GXYLT2: variants seen among roughly 807,000 people sequenced by gnomAD.
The protein encoded by GXYLT2 is glycosyltransferase 8 domain containing 4.
In GXYLT2, 53 loss-of-function variants were observed where a neutral mutation model predicts 45.8. The observed-to-expected ratio is 1.16, with a 90% CI of 0.93 to 1.46. GXYLT2 has a LOEUF of 1.46. Ranked by LOEUF, GXYLT2 falls within the 40% of genes most tolerant of loss-of-function variation. The pLI, the probability that GXYLT2 is intolerant of heterozygous loss-of-function variation, is 0.00. For synonymous variants in GXYLT2, 219 were observed against 214.2 expected, an observed-to-expected ratio of 1.02 and a Z score of -0.19; for missense variants, 551 against 544.4, an observed-to-expected ratio of 1.01 and a Z score of -0.12.
chr3:72,930,502 CA>C (rs147116148), intron 3 of GXYLT2, among the ~76,000 whole-genome samples: 78,242 of 130,440 alleles, frequency 0.6, 22,169 homozygotes, highest in Admixed American at 0.65. Context: ...AACCCTGTCT[CA>C]AAAAAAAAAA....
intron 3 of GXYLT2, among the ~76,000 whole-genome samples, chr3:72,946,156 G>T (rs1334031817): frequency 6.6e-6 from 1 of 151,466 alleles, no homozygotes; most frequent in African/African-American, 2.4e-5. Flanking sequence ...ATATGCCTGC[G>T]GTCCCAGCTA....
intron 3 of GXYLT2, among the ~76,000 whole-genome samples, chr3:72,944,050 T>C (rs1710352955): frequency 6.6e-6 from 1 of 152,050 alleles, no homozygotes; most frequent in African/African-American, 2.4e-5. Flanking sequence ...TCTGATTCTG[T>C]ATAGATTAAT....
At chr3:72,968,336 G>T (rs1182535838) in intron 6 of GXYLT2, among the ~76,000 whole-genome samples, 3 of 152,104 alleles carry the variant, frequency 2.0e-5, no homozygotes, top group Admixed American at 2.0e-4. Context: ...TAACACATAG[G>T]ATCAAGATTA....
chr3:72,971,628 G>C (rs1710986333), intron 6 of GXYLT2, among the ~76,000 whole-genome samples: 1 of 152,146 alleles, frequency 6.6e-6, no homozygotes, highest in African/African-American at 2.4e-5. Flanking sequence ...TTAGTACAGA[G>C]CCTGACATAC....
chr3:72,915,852 T>C (rs1216906594), intron 2 of GXYLT2, among the ~76,000 whole-genome samples: 1 of 148,856 alleles, frequency 6.7e-6, no homozygotes, highest in African/African-American at 2.5e-5. Flanking sequence ...AAAAGAGAGA[T>C]TGGGTTTCTC....
Position 72,967,718 on chromosome 3 carries a change from A to T in GXYLT2, c.1148A>T (p.Asp383Val). ...AGAGCACTCTATGAAGCAATACGGG[A>T]TGTAAGTGTGCCCTTGCTGCTGTTA... ...TFRALYEAIR[D>V]FPFQDNLFQS... The change falls in exon 6 of 7, where the codon GAT becomes GTT. Residue 383 changes from aspartate to valine, a missense_variant and splice_region_variant. Coordinates refer to ENST00000389617, the MANE Select transcript of GXYLT2 (RefSeq NM_001080393.2). The T allele has an allele frequency of 6.2e-7, 1 of 1,613,356 alleles. No homozygotes were observed. The highest frequency in any genetic ancestry group is 8.5e-7 in the Non-Finnish European group (1 of 1,179,508).
At chr3:72,909,718 C>T (rs758157619) in intron 2 of GXYLT2, among the ~76,000 whole-genome samples, 11 of 152,138 alleles carry the variant, frequency 7.2e-5, no homozygotes, top group African/African-American at 2.4e-4. Context: ...CTTCCCCCAG[C>T]GTAGGTACAC....
intron 3 of GXYLT2, among the ~76,000 whole-genome samples, chr3:72,948,236 C>A (rs1710448906): frequency 6.6e-6 from 1 of 152,186 alleles, no homozygotes; most frequent in African/African-American, 2.4e-5. Flanking sequence ...AAGACCTTGA[C>A]AACACTATCA....
intron 6 of GXYLT2, 69 bp downstream of exon 6, chr3:72,967,788 C>T: frequency 7.1e-7 from 1 of 1,399,356 alleles, no homozygotes; most frequent in Non-Finnish European, 1.0e-6. Flanking sequence ...GCTTTAGTCA[C>T]CTGTCCCTTT....
intron 3 of GXYLT2, among the ~76,000 whole-genome samples, chr3:72,938,526 A>ACC (rs987459445): frequency 1.3e-4 from 20 of 152,338 alleles, no homozygotes; most frequent in African/African-American, 4.8e-4. Flanking sequence ...CTGGGGAGGC[A>ACC]CCATCTGACT....
intron 1 of GXYLT2, among the ~76,000 whole-genome samples, chr3:72,899,983 T>C (rs1226225250): frequency 6.6e-6 from 1 of 152,212 alleles, no homozygotes; most frequent in Non-Finnish European, 1.5e-5. Context: ...CAACTTACCC[T>C]GCTAGTCTGT....
intron 3 of GXYLT2, chr3:72,929,041 C>T (rs1447281351): frequency 1.9e-6 from 3 of 1,551,428 alleles, no homozygotes; most frequent in Non-Finnish European, 2.6e-6. Flanking sequence ...TAGCCGCCGC[C>T]GTGACGACCG....
At chr3:72,920,797 T>C (rs1184216046) in intron 2 of GXYLT2, among the ~76,000 whole-genome samples, 1 of 144,650 alleles carries the variant, frequency 6.9e-6, no homozygotes. Context: ...AAAATGTACA[T>C]GCATATATAT....
intron 5 of GXYLT2, among the ~76,000 whole-genome samples, chr3:72,962,890 C>A (rs1033046354): frequency 2.7e-5 from 4 of 150,544 alleles, no homozygotes; most frequent in South Asian, 2.1e-4. Flanking sequence ...TTTTTTGGAA[C>A]AAGGAGCATT....
In GXYLT2 at chr3:72,955,741, G is replaced by C. The variant is rs75874957; in HGVS notation, c.852+392G>C. Among the ~76,000 whole-genome samples the C allele has an allele frequency of 1.5e-3, 225 of 152,186 alleles. 6 individuals carry two copies. In the East Asian group the frequency reaches 0.037, roughly 25 times the overall value. ...TCATCTTTTATCCTAGCAAAGAAGT[G>C]GAAAGAAGCTAAAAGAACATCAGTA... On this transcript the variant is annotated intron_variant, in intron 4 of 6. Coordinates refer to ENST00000389617, the MANE Select transcript of GXYLT2 (RefSeq NM_001080393.2).
chr3:72,954,399 C>CTG (rs3078688), intron 3 of GXYLT2, among the ~76,000 whole-genome samples: 2,650 of 133,866 alleles, frequency 0.02, 45 homozygotes, highest in Middle Eastern at 0.051. Flanking sequence ...TGCTCCCAGC[C>CTG]TGTGTGTGTG....
intron 2 of GXYLT2, among the ~76,000 whole-genome samples, chr3:72,919,275 T>G (rs139857824): frequency 0.01 from 1,561 of 152,296 alleles, 35 homozygotes; most frequent in African/African-American, 0.036. Flanking sequence ...CTGTGATATA[T>G]TCATACCATA....
At chr3:72,967,945 C>T (rs928484094) in intron 6 of GXYLT2, among the ~76,000 whole-genome samples, 2 of 152,134 alleles carry the variant, frequency 1.3e-5, no homozygotes, top group African/African-American at 4.8e-5. Context: ...TTTTACTTAA[C>T]CAAATTTACT....
chr3:72,939,770 T>C (rs2107123452), intron 3 of GXYLT2, among the ~76,000 whole-genome samples: 1 of 150,180 alleles, frequency 6.7e-6, no homozygotes, highest in South Asian at 2.2e-4. Flanking sequence ...AGCCTCAACC[T>C]CCCCAGGCTC....
Sources: allele counts gnomAD v4.1 joint callset (sites outside exome capture counted in the v4.1 genomes callset), GRCh38; gene constraint gnomAD v4.1.1; transcripts MANE v1.5; gene names NCBI Gene and HGNC (gene_info 2026-07-23, HGNC 2026-07-21).